RGS7: variants seen among roughly 807,000 people sequenced by gnomAD.
RGS7 encodes regulator of G protein signaling 7.
In RGS7, 27 loss-of-function variants were observed where a neutral mutation model predicts 81.1. The observed-to-expected ratio is 0.33, with a 90% CI of 0.25 to 0.46. The LOEUF (loss-of-function observed/expected upper bound fraction) is 0.46, where lower values mean the gene tolerates loss of function less well. Ranked by LOEUF, RGS7 falls within the 20% of genes least tolerant of loss-of-function variation. RGS7 has a pLI of 1.00. For missense variants in RGS7, 396 were observed against 607.4 expected, an observed-to-expected ratio of 0.65 and a Z score of 3.66; for synonymous variants, 208 against 207.7, an observed-to-expected ratio of 1.00 and a Z score of -0.01.
chr1:241,136,832 T>C (rs2067557718), intron 2 of RGS7, among the ~76,000 whole-genome samples: 1 of 152,238 alleles, frequency 6.6e-6, no homozygotes, highest in African/African-American at 2.4e-5. Context: ...GCGTCCAGGC[T>C]ATGTTCCCCT....
chr1:240,937,135 AGC>A (rs1676770576), intron 4 of RGS7, among the ~76,000 whole-genome samples: 1 of 152,170 alleles, frequency 6.6e-6, no homozygotes, highest in Non-Finnish European at 1.5e-5. Context: ...TTTAAACAGT[AGC>A]CAATCGGGTC....
chr1:241,017,295 G>T (rs948016834), intron 3 of RGS7, among the ~76,000 whole-genome samples: 5 of 152,118 alleles, frequency 3.3e-5, no homozygotes, highest in African/African-American at 1.2e-4. Context: ...ACAAAAATTA[G>T]CTGGGCGTGG....
At chr1:241,279,667 C>A (rs1573483883) in intron 2 of RGS7, among the ~76,000 whole-genome samples, 3 of 152,166 alleles carry the variant, frequency 2.0e-5, no homozygotes, top group South Asian at 2.1e-4. Context: ...TCCATTACTA[C>A]AAAGATCCCA....
rs78572077 is a variant in RGS7, at chr1:241,061,775, C to T, written c.175+36891G>A. Among the ~76,000 whole-genome samples, 127 of 152,248 alleles carry T rather than the reference C, an allele frequency of 8.3e-4. 2 individuals are homozygous for T. The East Asian group carries it at 0.017, about 21-fold the overall frequency. On this transcript the variant is annotated intron_variant, in intron 3 of 18. Coordinates refer to ENST00000440928, the MANE Select transcript of RGS7 (RefSeq NM_001364886.1). ...CTGTTCCTCTGGTGGGACCCACTCA[C>T]CCCTCTGAGCTAGACCTCCCAATAC...
intron 5 of RGS7, among the ~76,000 whole-genome samples, chr1:240,934,912 T>A (rs1474924512): frequency 7.4e-6 from 1 of 134,596 alleles, no homozygotes; most frequent in Non-Finnish European, 1.6e-5. Context: ...TTTTTGAGAC[T>A]GAGTCTCGCT....
intron 2 of RGS7, among the ~76,000 whole-genome samples, chr1:241,141,952 T>C (rs2067951015): frequency 6.6e-6 from 1 of 152,228 alleles, no homozygotes; most frequent in Non-Finnish European, 1.5e-5. Flanking sequence ...GGTACACGCA[T>C]TGAGTAAAGA....
At chr1:241,111,402 T>A (rs111328315) in intron 2 of RGS7, among the ~76,000 whole-genome samples, 1,823 of 152,306 alleles carry the variant, frequency 0.012, 23 homozygotes, top group Non-Finnish European at 0.02. Context: ...CTCCTTTTCG[T>A]GAGCAACAGA....
intron 9 of RGS7, among the ~76,000 whole-genome samples, chr1:240,830,497 A>C (rs1434373850): frequency 6.6e-6 from 1 of 152,146 alleles, no homozygotes; most frequent in African/African-American, 2.4e-5. Context: ...CTAGACCCCA[A>C]ACTCTCTTCC....
chr1:240,834,550 G>A (rs146913681), intron 9 of RGS7, among the ~76,000 whole-genome samples: 11 of 152,092 alleles, frequency 7.2e-5, no homozygotes, highest in Admixed American at 2.6e-4. Context: ...TCGCTCCACC[G>A]CCCAGACTGG....
chr1:241,017,757 T>C (rs1031681287), intron 3 of RGS7, among the ~76,000 whole-genome samples: 2 of 152,206 alleles, frequency 1.3e-5, no homozygotes, highest in Admixed American at 1.3e-4. Flanking sequence ...TTTCTTGATA[T>C]GTTATACTGT....
chr1:241,306,688 C>T (rs1042342366), intron 2 of RGS7, among the ~76,000 whole-genome samples: 1 of 151,918 alleles, frequency 6.6e-6, no homozygotes, highest in Non-Finnish European at 1.5e-5. Context: ...TGCACACACT[C>T]TTACACACAC....
intron 2 of RGS7, among the ~76,000 whole-genome samples, chr1:241,119,245 T>C (rs766518829): frequency 2.0e-4 from 30 of 152,356 alleles, no homozygotes; most frequent in Admixed American, 3.3e-4. Flanking sequence ...TTTACAGTTT[T>C]GCAAGTCTCT....
intron 2 of RGS7, among the ~76,000 whole-genome samples, chr1:241,329,927 T>G (rs909832524): frequency 2.2e-4 from 33 of 150,134 alleles, no homozygotes; most frequent in South Asian, 2.1e-4. Flanking sequence ...TTTGTTTTTT[T>G]TTTGTTTGTT....
Position 241,271,338 on chromosome 1 carries a change from TG to T in RGS7, c.78+84360del. On this transcript the variant is annotated intron_variant, in intron 2 of 18. Coordinates refer to ENST00000440928, the MANE Select transcript of RGS7 (RefSeq NM_001364886.1). The surrounding 1 kb of genome is among the most constrained non-coding windows in gnomAD (Gnocchi z 4.6). ...GACCAGTAAAAAATCTGTACTGAAC[TG>T]AAATTTTTATGCCTCAACATTTTTT... Among the ~76,000 whole-genome samples, 1 of 152,322 alleles carries T rather than the reference TG, an allele frequency of 6.6e-6. No individual in the cohort carries two copies. Among genetic ancestry groups the T allele is most frequent in the Admixed American group, 6.5e-5 (1 of 15,298 alleles).
At chr1:241,295,191 G>A (rs1250324408) in intron 2 of RGS7, among the ~76,000 whole-genome samples, 1 of 152,144 alleles carries the variant, frequency 6.6e-6, no homozygotes, top group South Asian at 2.1e-4. Context: ...GCTCACGCCT[G>A]TAATCCCAGC....
At chr1:241,246,984 C>T (rs1205283589) in intron 2 of RGS7, among the ~76,000 whole-genome samples, 1 of 151,892 alleles carries the variant, frequency 6.6e-6, no homozygotes. Flanking sequence ...TAGAAACTCC[C>T]AGAAATACAC....
rs1161924270 is a variant in RGS7 at position 240,932,920 on chromosome 1, G to T, written c.334-2152C>A. On this transcript the variant is annotated intron_variant, in intron 5 of 18. Transcript: ENST00000440928. ...TTTTTTTGAGACAGAGTCTCGCTCT[G>T]TCGCCCAGGCTGGACTGCAGTGGCG... 1.9e-5 allele frequency among the ~76,000 whole-genome samples: 2 copies of T among 103,622 alleles called. 1 individual carries two copies. Among genetic ancestry groups the T allele is most frequent in the Non-Finnish European group, 3.5e-5 (2 of 57,588 alleles). The allele number at this position is 103,622 out of a possible 152,430, so 68.0% of individuals were successfully genotyped here. A position where few individuals can be genotyped will look rare whatever the true frequency, so the allele number is the denominator to read the frequency against.
intron 2 of RGS7, among the ~76,000 whole-genome samples, chr1:241,310,435 CTGTG>C (rs1170599267): frequency 2.6e-5 from 3 of 115,344 alleles, no homozygotes; most frequent in Non-Finnish European, 6.0e-5. Flanking sequence ...GTATGTGTGT[CTGTG>C]TGTGTGAGTG....
intron 14 of RGS7, among the ~76,000 whole-genome samples, chr1:240,810,907 C>T (rs1050597898): frequency 6.6e-6 from 1 of 152,194 alleles, no homozygotes; most frequent in Non-Finnish European, 1.5e-5. Flanking sequence ...TAGGAAGCTG[C>T]ATGCCAGCAA....
Sources: gnomAD v4.1 joint callset for allele counts (sites outside exome capture counted in the v4.1 genomes callset) on GRCh38, gnomAD v4.1.1 for gene constraint, Gnocchi (gnomAD v3.1) non-coding constraint, MANE v1.5 for transcripts, NCBI Gene and HGNC (gene_info 2026-07-23, HGNC 2026-07-21) for gene names.